The following SCYL3 variants were observed in gnomAD, a reference collection of about 807,000 sequenced individuals.
SCYL3 encodes the protein protein-associating with the carboxyl-terminal domain of ezrin.
A neutral mutation model predicts 73.8 loss-of-function variants in SCYL3; 35 were observed. The ratio of observed to expected loss-of-function variants is 0.47; its 90% CI spans 0.36 to 0.63. The LOEUF is 0.63. Among genes scored for constraint, SCYL3 ranks in the 20% least tolerant of loss-of-function variants. The probability of loss-of-function intolerance (pLI) is 0.00; values close to 1 mark genes in which losing one functional copy is unlikely to be tolerated. For missense variants in SCYL3, 712 were observed against 798.9 expected (o/e 0.89, Z 1.31); for synonymous variants, 277 against 295.2 (o/e 0.94, Z 0.63).
chr1:169,876,959 A>T (rs1329820332), intron 3 of SCYL3, among the ~76,000 whole-genome samples: 3 of 69,636 alleles, frequency 4.3e-5, no homozygotes, highest in East Asian at 3.6e-4. Context: ...TGTCTCAAAT[A>T]AAAAAAAAAA....
intron 2 of SCYL3, among the ~76,000 whole-genome samples, chr1:169,887,703 C>T (rs945841614): frequency 3.3e-5 from 5 of 152,148 alleles, no homozygotes; most frequent in Admixed American, 1.3e-4. Context: ...TTTACCACCA[C>T]GCATCTCGAG....
chr1:169,886,857 T>C (rs187922704), intron 2 of SCYL3, among the ~76,000 whole-genome samples: 2 of 152,352 alleles, frequency 1.3e-5, no homozygotes, highest in African/African-American at 2.4e-5. Context: ...TGTTGTTTTT[T>C]ACTTGTAACA....
chr1:169,866,293 C>T (rs943589631), intron 8 of SCYL3, among the ~76,000 whole-genome samples: 5 of 152,210 alleles, frequency 3.3e-5, no homozygotes, highest in African/African-American at 1.2e-4. Flanking sequence ...TATTTACTGC[C>T]TGGACTACCA....
intron 7 of SCYL3, among the ~76,000 whole-genome samples, 169 bp from the exon 8 acceptor site, chr1:169,867,142 A>C (rs529962210): frequency 4.6e-5 from 7 of 152,380 alleles, no homozygotes; most frequent in African/African-American, 1.7e-4. Flanking sequence ...ACTATGGAAC[A>C]CGCCTCTGAA....
rs1474001127 is a variant in SCYL3, at chr1:169,893,888, G to C, written c.-151C>G. 1 of 152,802 alleles carries C rather than the reference G, an allele frequency of 6.5e-6. No homozygotes were observed. Among genetic ancestry groups the C allele is most frequent in the Non-Finnish European group, 1.5e-5 (1 of 68,548 alleles). 9.5% of individuals were successfully genotyped at this position (152,802 alleles called of 1,614,324 possible). On this transcript the variant is annotated 5_prime_UTR_variant, in exon 1 of 13. Coordinates refer to ENST00000367771, the MANE Select transcript of SCYL3 (RefSeq NM_020423.7). ...CACCCCTGCCTGCCTGTAAGGCTGT[G>C]GCCACTACACCCACAATCTTCTGGG...
At chr1:169,867,096 AGATT>A in intron 7 of SCYL3, 123 bp from the exon 8 acceptor site, 1 of 603,846 alleles carries the variant, frequency 1.7e-6, no homozygotes. Flanking sequence ...TGCCATTTAA[AGATT>A]CTATTACAAC....
chr1:169,894,080 T>C (rs1467491295), upstream of SCYL3: 2 of 152,290 alleles, frequency 1.3e-5, no homozygotes, highest in African/African-American at 4.8e-5. Flanking sequence ...GCCGCGACGA[T>C]ACCGAGTTTC....
upstream of SCYL3, chr1:169,893,934 A>G (rs1662277665): frequency 6.6e-6 from 1 of 152,326 alleles, no homozygotes; most frequent in African/African-American, 2.4e-5. Flanking sequence ...CTCCTACACC[A>G]TAGAGACGGG....
chr1:169,876,680 G>A (rs1195780873), intron 3 of SCYL3, among the ~76,000 whole-genome samples: 1 of 152,142 alleles, frequency 6.6e-6, no homozygotes, highest in Non-Finnish European at 1.5e-5. Flanking sequence ...GACTGGCCAG[G>A]TGCAGTGGCT....
Position 169,853,215 on chromosome 1 carries a change from T to C in SCYL3, c.*498A>G. On this transcript the variant is annotated 3_prime_UTR_variant, in exon 13 of 13. Coordinates refer to ENST00000367771, the MANE Select transcript of SCYL3 (RefSeq NM_020423.7). ...AACTGCCTAGGTCCACAAAGAACCATTTACTCAGATAGTCTAACTGTAAAC... is the reference window on the plus strand; with the variant it reads ...AACTGCCTAGGTCCACAAAGAACCACTTACTCAGATAGTCTAACTGTAAAC... 1 of 544,688 alleles carries C rather than the reference T, an allele frequency of 1.8e-6. No homozygotes were observed. Among genetic ancestry groups the C allele is most frequent in the Non-Finnish European group, 3.3e-6 (1 of 307,504 alleles). The allele number at this position is 544,688 out of a possible 1,614,324, so 33.7% of individuals were successfully genotyped here.
intron 3 of SCYL3, among the ~76,000 whole-genome samples, chr1:169,876,958 T>TCAAAAAA (rs1660881979): frequency 1.3e-5 from 1 of 76,394 alleles, no homozygotes; most frequent in African/African-American, 5.3e-5. Flanking sequence ...TTGTCTCAAA[T>TCAAAAAA]AAAAAAAAAA....
intron 2 of SCYL3, 80 bp downstream of exon 2, chr1:169,888,596 C>T: frequency 8.4e-7 from 1 of 1,191,332 alleles, no homozygotes; most frequent in Non-Finnish European, 1.2e-6. Context: ...CTCCTTTGAA[C>T]TTTACTAATT....
intron 8 of SCYL3, among the ~76,000 whole-genome samples, chr1:169,866,063 T>G (rs6669794): frequency 0.7 from 106,363 of 151,666 alleles, 37,458 homozygotes; most frequent in Middle Eastern, 0.85. Flanking sequence ...GACCTGTCTG[T>G]TCAACGGTCC....
intron 11 of SCYL3, among the ~76,000 whole-genome samples, chr1:169,856,436 A>G (rs1257131299): frequency 2.0e-5 from 3 of 152,254 alleles, no homozygotes; most frequent in African/African-American, 7.2e-5. Context: ...AATTAGTTTC[A>G]AGAAATGTCC....
chr1:169,863,312 G>T (rs942286977), intron 9 of SCYL3, among the ~76,000 whole-genome samples: 1 of 152,192 alleles, frequency 6.6e-6, no homozygotes, highest in Non-Finnish European at 1.5e-5. Context: ...ACCTTGTAGA[G>T]TTTTTGAAAT....
In SCYL3 at chr1:169,851,704, C is replaced by G. The variant is rs1658364462; in HGVS notation, c.*2009G>C. 1 of 1,293,798 alleles carries G rather than the reference C, an allele frequency of 7.7e-7. No individual in the cohort carries two copies. Among genetic ancestry groups the G allele is most frequent in the African/African-American group, 1.5e-5 (1 of 67,342 alleles). The allele number at this position is 1,293,798 out of a possible 1,614,324, so 80.1% of individuals were successfully genotyped here. The stretch of plus-strand genomic sequence containing the variant: ...ATTTATAGATCAGTCCATGTGACTT[C>G]CAGAATTTGCCTAGTATGGTTGAAC... On this transcript the variant is annotated 3_prime_UTR_variant, in exon 13 of 13. Coordinates refer to ENST00000367771, the MANE Select transcript of SCYL3 (RefSeq NM_020423.7).
At position 169,878,671 on chromosome 1, in the gene SCYL3, T is replaced by C. The variant is rs751775708; in HGVS notation, c.314A>G (p.Tyr105Cys). Residue 105 changes from tyrosine (Y) to cysteine (C), a missense_variant, in exon 3 of 13, where the codon TAT becomes TGT. Transcript: ENST00000367771. Reference protein sequence around the residue: ...LSSAEVCAGIYDILLALIFLH... With the variant: ...LSSAEVCAGICDILLALIFLH... ...GAAGATAAGAGCCAGCAATATGTCATAGATCCCAGCACAGACCTCTGCAGA... is the reference window on the plus strand; with the variant it reads ...GAAGATAAGAGCCAGCAATATGTCACAGATCCCAGCACAGACCTCTGCAGA... The C allele has an allele frequency of 5.0e-6, 8 of 1,613,928 alleles. No homozygotes were observed. Among genetic ancestry groups the C allele is most frequent in the South Asian group, 1.1e-5 (1 of 91,030 alleles).
chr1:169,873,838 C>T (rs1345893337), intron 4 of SCYL3, 86 bp from the exon 5 acceptor site: 2 of 868,468 alleles, frequency 2.3e-6, no homozygotes, highest in Non-Finnish European at 3.8e-6. Context: ...AAGCAATGAG[C>T]AATGCAAACA....
chr1:169,856,008 T>G (rs1417362266), intron 11 of SCYL3: 7 of 1,564,366 alleles, frequency 4.5e-6, no homozygotes, highest in Non-Finnish European at 6.1e-6. Flanking sequence ...AAATTGCTTC[T>G]TGATCTATCA....
Sources: allele counts gnomAD v4.1 joint callset (sites outside exome capture counted in the v4.1 genomes callset), GRCh38; gene constraint gnomAD v4.1.1; transcripts MANE v1.5; gene names NCBI Gene and HGNC (gene_info 2026-07-23, HGNC 2026-07-21).